Variants in CNTN3 observed in about 807,000 individuals in gnomAD.
The protein encoded by CNTN3 is contactin 3.
Under a neutral mutation model 119.1 loss-of-function variants are expected in CNTN3, and 60 were observed. The ratio of observed to expected loss-of-function variants is 0.50; its 90% CI spans 0.41 to 0.62. The LOEUF (loss-of-function observed/expected upper bound fraction) is 0.62. CNTN3 is among the 20% of genes least tolerant of loss of function. The pLI is 0.00. For missense variants in CNTN3, 1,101 were observed against 1,242.4 expected, an observed-to-expected ratio of 0.89 and a Z score of 1.71; for synonymous variants, 450 against 438.7, an observed-to-expected ratio of 1.03 and a Z score of -0.32.
At chr3:74,450,901 T>C (rs1485938683) in intron 4 of CNTN3, among the ~76,000 whole-genome samples, 2 of 152,114 alleles carry the variant, frequency 1.3e-5, no homozygotes, top group Admixed American at 6.6e-5. Context: ...ATTTTCTTAA[T>C]CCAGTCTATC....
At chr3:74,418,144 A>T (rs1413270101) in intron 5 of CNTN3, among the ~76,000 whole-genome samples, 1 of 152,096 alleles carries the variant, frequency 6.6e-6, no homozygotes, top group Admixed American at 6.5e-5. Flanking sequence ...GTCTACACAC[A>T]TTGACCTCTG....
At chr3:74,536,818 A>G (rs1703771918) in intron 1 of CNTN3, among the ~76,000 whole-genome samples, 1 of 152,034 alleles carries the variant, frequency 6.6e-6, no homozygotes, top group African/African-American at 2.4e-5. Flanking sequence ...ACATATTCCA[A>G]TTTTCTCAAG....
intron 12 of CNTN3, among the ~76,000 whole-genome samples, chr3:74,336,238 C>T (rs1221281283): frequency 3.3e-5 from 5 of 151,864 alleles, no homozygotes; most frequent in Admixed American, 2.0e-4. Context: ...AAAGACCTGA[C>T]ATAATAGAAT....
At chr3:74,512,193 G>T (rs536967512) in intron 2 of CNTN3, among the ~76,000 whole-genome samples, 1 of 152,064 alleles carries the variant, frequency 6.6e-6, no homozygotes, top group African/African-American at 2.4e-5. Flanking sequence ...ACCTCTGACT[G>T]AGGAATCATA....
At chr3:74,498,799 T>G (rs976708156) in intron 3 of CNTN3, among the ~76,000 whole-genome samples, 2 of 151,842 alleles carry the variant, frequency 1.3e-5, no homozygotes, top group Non-Finnish European at 2.9e-5. Flanking sequence ...GAATGGGGTT[T>G]TCATAGTAGA....
intron 11 of CNTN3, among the ~76,000 whole-genome samples, chr3:74,344,427 T>G (rs1703633444): frequency 2.8e-5 from 1 of 35,728 alleles, no homozygotes; most frequent in African/African-American, 1.2e-4. Flanking sequence ...TTTTTTTTTT[T>G]TTTTTTTTTT....
chr3:74,406,898 G>A (rs1001073756), intron 5 of CNTN3, among the ~76,000 whole-genome samples: 1 of 152,060 alleles, frequency 6.6e-6, no homozygotes, highest in Non-Finnish European at 1.5e-5. Context: ...TTCAGCAGAG[G>A]ACATGTACTT....
At chr3:74,303,667 C>G (rs1304139192) in intron 13 of CNTN3, among the ~76,000 whole-genome samples, 1 of 152,132 alleles carries the variant, frequency 6.6e-6, no homozygotes, top group African/African-American at 2.4e-5. Flanking sequence ...CCACTGCACT[C>G]CAGCTTGGCT....
At chr3:74,487,692 A>T (rs1702883818) in intron 3 of CNTN3, among the ~76,000 whole-genome samples, 1 of 152,166 alleles carries the variant, frequency 6.6e-6, no homozygotes, top group East Asian at 1.9e-4. Flanking sequence ...TTGTTGCTTT[A>T]ATATATACAA....
At chr3:74,560,136 A>G (rs975222524) in intron 1 of CNTN3, among the ~76,000 whole-genome samples, 1 of 152,142 alleles carries the variant, frequency 6.6e-6, no homozygotes, top group African/African-American at 2.4e-5. Flanking sequence ...TCAGCAGCAC[A>G]CTCACTGGCT....
chr3:74,491,904 TC>T (rs149787726), intron 3 of CNTN3, among the ~76,000 whole-genome samples: 1,601 of 152,192 alleles, frequency 0.011, 27 homozygotes, highest in African/African-American at 0.037. Context: ...TATACCCAAA[TC>T]CCATTCCAAA....
Position 74,542,426 on chromosome 3 carries a change from T to C in CNTN3, c.-80-21234A>G, listed in dbSNP as rs1703855645. Among the ~76,000 whole-genome samples, 10 of 152,112 alleles carry C rather than the reference T, an allele frequency of 6.6e-5. No homozygotes were observed. In the South Asian group the frequency reaches 2.1e-3, roughly 31 times the overall value. On this transcript the variant is annotated intron_variant, in intron 1 of 22. Coordinates refer to ENST00000263665, the MANE Select transcript of CNTN3 (RefSeq NM_020872.3). ...AAGAAGATAAATCAGACTATTAAAA[T>C]AGTGGATTTAGTACTAGGGAGATTT...
In CNTN3 at chr3:74,301,718, T is replaced by C. The variant is rs74507713; in HGVS notation, c.1874A>G (p.His625Arg). The C allele has an allele frequency of 1.6e-3, 2,567 of 1,614,120 alleles. 35 individuals are homozygous for C. The African/African-American group carries it at 0.03, about 19-fold the overall frequency. The change falls in exon 15 of 23, where the codon CAT becomes CGT. Residue 625 changes from histidine (H) to arginine (R), a missense_variant. His to Arg is a conservative substitution (Grantham distance 29). Transcript: ENST00000263665. ...QLSWKEGKDN[H>R]SPVISYSIQA... ...GATAGAATAGGATATAACTGGGCTA[T>C]GGTTGTCTTTACCTTCTTTCCAAGA... is the stretch of plus-strand genomic sequence containing the variant.
chr3:74,308,556 G>A lies in CNTN3; in HGVS notation c.1669-5749C>T, dbSNP rs766100435. On this transcript the variant is annotated intron_variant, in intron 13 of 22. Coordinates refer to ENST00000263665, the MANE Select transcript of CNTN3 (RefSeq NM_020872.3). ...TATTTTAGGTTGTGTCAAGTGCCAC[G>A]GTGCCTCAAAGGTATCTGCTTTTTA... Among the ~76,000 whole-genome samples the A allele has an allele frequency of 2.6e-4, 40 of 152,166 alleles. 1 individual carries two copies. Among genetic ancestry groups the A allele is most frequent in the Non-Finnish European group, 1.2e-4 (8 of 68,022 alleles).
chr3:74,365,683 T>G lies in CNTN3; in HGVS notation c.966A>C (p.Gln322His). Residue 322 changes from glutamine (Q) to histidine (H), a missense_variant, in exon 9 of 23, where the codon CAA becomes CAC. Physicochemically the swap from Gln to His is conservative, Grantham distance 24. Transcript: ENST00000263665. ...CGGCTATTTCCACATCCTTTATGAGTTGAACCCAATGGGGCTTTGCTTCAA... is the reference window on the plus strand; with the variant it reads ...CGGCTATTTCCACATCCTTTATGAGGTGAACCCAATGGGGCTTTGCTTCAA... ...LTYYAKPHWVQLIKDVEIAVE... is the reference protein window; with the variant it reads ...LTYYAKPHWVHLIKDVEIAVE... 2 of 1,612,864 alleles carry G rather than the reference T, an allele frequency of 1.2e-6. No individual in the cohort carries two copies. Among genetic ancestry groups the G allele is most frequent in the Non-Finnish European group, 1.7e-6 (2 of 1,179,262 alleles).
intron 11 of CNTN3, among the ~76,000 whole-genome samples, chr3:74,337,433 C>T (rs114822713): frequency 0.023 from 3,498 of 152,120 alleles, 135 homozygotes; most frequent in African/African-American, 0.08. Context: ...CATGCTGCTG[C>T]TAAAGATATA....
chr3:74,355,351 G>C (rs1161062983), intron 11 of CNTN3, among the ~76,000 whole-genome samples: 1 of 151,992 alleles, frequency 6.6e-6, no homozygotes, highest in Non-Finnish European at 1.5e-5. Flanking sequence ...TTTAGTTCAG[G>C]CTGTAATACT....
intron 17 of CNTN3, among the ~76,000 whole-genome samples, chr3:74,298,971 C>T (rs1055318491): frequency 1.3e-5 from 2 of 151,694 alleles, no homozygotes; most frequent in African/African-American, 2.4e-5. Context: ...CTTTGGGAGG[C>T]CAAGGCACCT....
Position 74,266,661 on chromosome 3 carries a change from GAACA to G in CNTN3, c.2818-16_2818-13del, listed in dbSNP as rs765792786. 29 of 1,610,800 alleles carry G rather than the reference GAACA, an allele frequency of 1.8e-5. No homozygotes were observed. In the Admixed American group the frequency reaches 4.5e-4, roughly 25 times the overall value. On this transcript the variant is annotated splice_polypyrimidine_tract_variant and intron_variant, in intron 21 of 22. Coordinates refer to ENST00000263665, the MANE Select transcript of CNTN3 (RefSeq NM_020872.3). ...GTCCTATAGAAAACCTAAAATGCAT[GAACA>G]AATACACTTACTTGTTATATTGCCC...
Sources: allele counts gnomAD v4.1 joint callset (sites outside exome capture counted in the v4.1 genomes callset), GRCh38; gene constraint gnomAD v4.1.1; transcripts MANE v1.5; gene names NCBI Gene and HGNC (gene_info 2026-07-23, HGNC 2026-07-21).